Variants in PSTK observed in about 807,000 individuals in gnomAD.
PSTK encodes the protein L-seryl-tRNA(Sec) kinase.
PSTK carries 26 observed loss-of-function variants against 38.6 expected under a neutral mutation model. That is an observed-to-expected ratio of 0.67 (90% confidence interval 0.49 to 0.94). The LOEUF (loss-of-function observed/expected upper bound fraction) is 0.94. PSTK is among the 40% of genes least tolerant of loss of function. The probability of loss-of-function intolerance (pLI) is 0.00; values close to 1 mark genes in which losing one functional copy is unlikely to be tolerated. For synonymous variants in PSTK, 181 were observed against 161.7 expected, an observed-to-expected ratio of 1.12 and a Z score of -0.91; for missense variants, 445 against 436.3, an observed-to-expected ratio of 1.02 and a Z score of -0.18.
chr10:122,982,708 A>G (rs1255649852), intron 1 of PSTK, 25 bp from the exon 2 acceptor site: 1 of 1,609,428 alleles, frequency 6.2e-7, no homozygotes, highest in Non-Finnish European at 8.5e-7. Context: ...CCTAATATGA[A>G]TTGCAATTCT....
In PSTK at chr10:122,980,755, C is replaced by A. The variant is rs1476055744; in HGVS notation, c.216+60C>A. On this transcript the variant is annotated intron_variant, in intron 1 of 5. Coordinates refer to ENST00000406217, the MANE Select transcript of PSTK (RefSeq NM_001363531.2). This position sits in a 1 kb window ranked among gnomAD's most constrained non-coding sequence, Gnocchi z 4.3. ...CGGGGCGGGGCGGGGCGGGGCGGGG[C>A]GGGGACACTCGCGTCCACGCGGTCC... is the stretch of plus-strand genomic sequence containing the variant. The A allele has an allele frequency of 2.5e-4, 87 of 354,418 alleles. No individual in the cohort carries two copies. Among genetic ancestry groups the A allele is most frequent in the Non-Finnish European group, 3.3e-4 (83 of 250,862 alleles). The allele number at this position is 354,418 out of a possible 1,614,324, so 22.0% of individuals were successfully genotyped here. A position where few individuals can be genotyped will look rare whatever the true frequency, so the allele number is the denominator to read the frequency against.
intron 5 of PSTK, among the ~76,000 whole-genome samples, chr10:122,988,990 A>G (rs1012812561): frequency 6.6e-5 from 10 of 152,176 alleles, no homozygotes; most frequent in African/African-American, 2.4e-4. Context: ...ATACAACAAA[A>G]TATTATTCAG....
chr10:122,983,405 T>G lies in PSTK; in HGVS notation c.642T>G (p.Pro214=), dbSNP rs143205805. The G allele has an allele frequency of 1.1e-4, 183 of 1,614,002 alleles. 1 individual carries two copies. The South Asian group carries it at 1.2e-3, about 11-fold the overall frequency. The change falls in exon 3 of 6, where the codon CCT becomes CCG. Residue 214 remains proline (P), a synonymous_variant. Coordinates refer to ENST00000406217, the MANE Select transcript of PSTK (RefSeq NM_001363531.2). ...GAAGAAAGCTAGAAAAGCCCAACCC[T>G]GAGAAAAATGCTTGGGAACACAACA... ...LMGRKLEKPN[P]EKNAWEHNSL... is the part of the protein sequence containing the mutation.
chr10:122,986,706 C>T (rs562883831), intron 4 of PSTK, among the ~76,000 whole-genome samples, 163 bp from the exon 5 acceptor site: 10 of 152,290 alleles, frequency 6.6e-5, no homozygotes, highest in African/African-American at 2.4e-4. Flanking sequence ...ACCCAGTTTA[C>T]CACTGGATCT....
intron 4 of PSTK, chr10:122,986,582 G>A (rs182101005): frequency 1.7e-4 from 100 of 603,654 alleles, no homozygotes; most frequent in Middle Eastern, 1.4e-3. Flanking sequence ...TTGATGGTTT[G>A]TTGGTAGGAA....
At chr10:122,986,805 ATTC>A in intron 4 of PSTK, 61 bp from the exon 5 acceptor site, 1 of 1,062,420 alleles carries the variant, frequency 9.4e-7, no homozygotes, top group East Asian at 2.5e-5. Context: ...CATGTGACCT[ATTC>A]TTTAGCCATT....
At position 122,990,211 on chromosome 10, in the gene PSTK, A is replaced by G. The variant is rs1220164333; in HGVS notation, c.915A>G (p.Ala305=). Residue 305 remains alanine (A), a synonymous_variant, in exon 6 of 6, where the codon GCA becomes GCG. Transcript: ENST00000406217. ...QVLPHNLKLL[A]EELNKLKAEF... ...TTCCTCACAACTTGAAGCTTCTAGCAGAAGAACTTAACAAGCTCAAAGCAG... is the reference window on the plus strand; with the variant it reads ...TTCCTCACAACTTGAAGCTTCTAGCGGAAGAACTTAACAAGCTCAAAGCAG... 2 of 1,529,540 alleles carry G rather than the reference A, an allele frequency of 1.3e-6. No homozygotes were observed. Among genetic ancestry groups the G allele is most frequent in the Non-Finnish European group, 1.8e-6 (2 of 1,141,658 alleles). The allele number at this position is 1,529,540 out of a possible 1,614,324, so 94.7% of individuals were successfully genotyped here.
intron 5 of PSTK, 109 bp downstream of exon 5, chr10:122,987,071 A>G (rs1849044762): frequency 1.1e-6 from 1 of 894,716 alleles, no homozygotes; most frequent in Non-Finnish European, 1.8e-6. Flanking sequence ...AGTTCACATC[A>G]TGTTTTCAAT....
At position 122,980,430 on chromosome 10, in the gene PSTK, C is replaced by T. The variant is rs1203872933; in HGVS notation, c.-50C>T. 2.0e-6 allele frequency: 3 copies of T among 1,505,940 alleles called. No individual in the cohort carries two copies. Among genetic ancestry groups the T allele is most frequent in the Admixed American group, 4.1e-5 (2 of 49,104 alleles). The allele number at this position is 1,505,940 out of a possible 1,614,324, so 93.3% of individuals were successfully genotyped here. On this transcript the variant is annotated 5_prime_UTR_variant, in exon 1 of 6. The change creates a new upstream start codon in the 5' untranslated region. Transcript: ENST00000406217. The surrounding 1 kb of genome is among the most constrained non-coding windows in gnomAD (Gnocchi z 4.3). ...ACGCTGCGCGTGCGCGCAGGGCAGA[C>T]GGTAGAGCGGAGACGACGCTCCCAG...
rs554751038 is a variant in PSTK at position 122,986,563 on chromosome 10, T to C, written c.783+188T>C. 25 of 613,684 alleles carry C rather than the reference T, an allele frequency of 4.1e-5. No homozygotes were observed. In the African/African-American group the frequency reaches 4.6e-4, roughly 11 times the overall value. 38.0% of individuals were successfully genotyped at this position (613,684 alleles called of 1,614,324 possible). ...CCGATTGTTAAACTTTCAAAAGTGT[T>C]GGAGCCTGTTGATGGTTTGTTGGTA... On this transcript the variant is annotated intron_variant, in intron 4 of 5. Transcript: ENST00000406217.
chr10:122,982,716 T>C lies in PSTK; in HGVS notation c.217-17T>C. ...CTAGTGGCCTAATATGAATTGCAATTCTTTGGTCTCTTGTAGCCATCCCAA... is the reference window on the plus strand; with the variant it reads ...CTAGTGGCCTAATATGAATTGCAATCCTTTGGTCTCTTGTAGCCATCCCAA... On this transcript the variant is annotated splice_polypyrimidine_tract_variant and intron_variant, in intron 1 of 5. Coordinates refer to ENST00000406217, the MANE Select transcript of PSTK (RefSeq NM_001363531.2). 6.2e-7 allele frequency: 1 copy of C among 1,611,426 alleles called. No homozygotes were observed. Among genetic ancestry groups the C allele is most frequent in the Non-Finnish European group, 8.5e-7 (1 of 1,178,128 alleles).
chr10:122,981,965 C>G (rs1443997015), intron 1 of PSTK: 1 of 152,120 alleles, frequency 6.6e-6, no homozygotes, highest in Non-Finnish European at 1.5e-5. Flanking sequence ...GGTGGTAAGG[C>G]ATGGGCAGGC....
At position 122,986,282 on chromosome 10, in the gene PSTK, A is replaced by G. The variant is rs1849031737; in HGVS notation, c.708-18A>G. On this transcript the variant is annotated intron_variant, in intron 3 of 5. Coordinates refer to ENST00000406217, the MANE Select transcript of PSTK (RefSeq NM_001363531.2). ...TGGATATAAGGATCTATTGTATTTT[A>G]TCCCATTTTCTCTGTAGCCTGGAAG... 1 of 1,514,012 alleles carries G rather than the reference A, an allele frequency of 6.6e-7. No individual in the cohort carries two copies. The highest frequency in any genetic ancestry group is 9.0e-7 in the Non-Finnish European group (1 of 1,109,942). 93.8% of individuals were successfully genotyped at this position (1,514,012 alleles called of 1,614,324 possible). A position where few individuals can be genotyped will look rare whatever the true frequency, so the allele number is the denominator to read the frequency against.
Position 122,980,581 on chromosome 10 carries a change from C to T in PSTK, c.102C>T (p.Phe34=). Residue 34 remains phenylalanine, a synonymous_variant, in exon 1 of 6, where the codon TTC becomes TTT. Coordinates refer to ENST00000406217, the MANE Select transcript of PSTK (RefSeq NM_001363531.2). This position sits in a 1 kb window ranked among gnomAD's most constrained non-coding sequence, Gnocchi z 4.3. ...CGLPAAGKST[F]ARALAHRLQQ... ...TCCCCGCGGCAGGAAAATCGACTTT[C>T]GCGCGCGCCCTCGCCCACCGGCTGC... 2 of 1,611,830 alleles carry T rather than the reference C, an allele frequency of 1.2e-6. No homozygotes were observed. Among genetic ancestry groups the T allele is most frequent in the Non-Finnish European group, 1.7e-6 (2 of 1,179,506 alleles).
chr10:122,987,284 TTTAA>T (rs751892496), intron 5 of PSTK: 21 of 1,565,878 alleles, frequency 1.3e-5, no homozygotes, highest in African/African-American at 2.7e-5. Flanking sequence ...CTGAAGAAAA[TTTAA>T]GTAAGGTAAG....
intron 4 of PSTK, 31 bp from the exon 5 acceptor site, chr10:122,986,838 A>G (rs375914316): frequency 2.4e-5 from 33 of 1,349,240 alleles, no homozygotes; most frequent in Non-Finnish European, 3.3e-5. Flanking sequence ...AAACTATGTG[A>G]CTTCTAATAA....
Position 122,983,040 on chromosome 10 carries a change from T to G in PSTK, c.508+16T>G, listed in dbSNP as rs752639227. 4.7e-5 allele frequency: 75 copies of G among 1,591,724 alleles called. No homozygotes were observed. The highest frequency in any genetic ancestry group is 6.0e-5 in the Non-Finnish European group (70 of 1,168,902). On this transcript the variant is annotated intron_variant, in intron 2 of 5. Coordinates refer to ENST00000406217, the MANE Select transcript of PSTK (RefSeq NM_001363531.2). ...GCTCGGAAATGTAATTAAAACTTTT[T>G]TTTTCTTACACATGGAGATACTTAT...
At chr10:122,987,720 A>G (rs1016608112) in intron 5 of PSTK, among the ~76,000 whole-genome samples, 3 of 152,334 alleles carry the variant, frequency 2.0e-5, no homozygotes, top group Non-Finnish European at 2.9e-5. Flanking sequence ...GCACCTTTCT[A>G]TACGTTAAGC....
chr10:122,983,079 A>C, intron 2 of PSTK, 55 bp downstream of exon 2: 1 of 1,452,070 alleles, frequency 6.9e-7, no homozygotes, highest in Non-Finnish European at 9.4e-7. Flanking sequence ...CGTATCAAAA[A>C]CACTATTGTC....
Sources: gnomAD v4.1 joint callset for allele counts (sites outside exome capture counted in the v4.1 genomes callset) on GRCh38, gnomAD v4.1.1 for gene constraint, Gnocchi (gnomAD v3.1) non-coding constraint, MANE v1.5 for transcripts, NCBI Gene and HGNC (gene_info 2026-07-23, HGNC 2026-07-21) for gene names.